Variants in PCDHGB1 observed in about 807,000 individuals in gnomAD.
The protein encoded by PCDHGB1 is protocadherin gamma subfamily B, 1.
Under a neutral mutation model 56.6 loss-of-function variants are expected in PCDHGB1, and 34 were observed. The observed-to-expected ratio is 0.60, with a 90% confidence interval of 0.46 to 0.80. The LOEUF (loss-of-function observed/expected upper bound fraction) is 0.80. PCDHGB1 is among the 30% of genes least tolerant of loss of function. The pLI is 0.00. For synonymous variants in PCDHGB1, 561 were observed against 505.9 expected (o/e 1.11, Z -1.46); for missense variants, 1,278 against 1,204.6 (o/e 1.06, Z -0.90).
intron 1 of PCDHGB1, chr5:141,388,729 G>A (rs1407038729): frequency 6.2e-7 from 1 of 1,614,012 alleles, no homozygotes; most frequent in Non-Finnish European, 8.5e-7. Flanking sequence ...TTCTCTTTCA[G>A]TGAAGCTAGC....
intron 1 of PCDHGB1, chr5:141,400,372 A>G: frequency 6.2e-7 from 1 of 1,613,980 alleles, no homozygotes; most frequent in Non-Finnish European, 8.5e-7. Flanking sequence ...TTATTCCTAC[A>G]ACCTATGTGT....
chr5:141,418,434 C>T, intron 1 of PCDHGB1: 5 of 1,613,944 alleles, frequency 3.1e-6, no homozygotes, highest in Non-Finnish European at 4.2e-6. Context: ...GGCAAATATC[C>T]AGAATTAGTA....
intron 3 of PCDHGB1, among the ~76,000 whole-genome samples, chr5:141,506,132 G>T (rs114930087): frequency 1.2e-4 from 18 of 152,310 alleles, no homozygotes; most frequent in African/African-American, 4.3e-4. Context: ...CAGAGCAGGA[G>T]AAGAAGAATA....
intron 1 of PCDHGB1, chr5:141,366,198 C>A (rs187196267): frequency 1.2e-6 from 2 of 1,613,774 alleles, no homozygotes; most frequent in African/African-American, 2.7e-5. Flanking sequence ...GGGCTGCACA[C>A]GGGCGAGGTG....
intron 1 of PCDHGB1, chr5:141,395,935 A>T (rs950567838): frequency 6.6e-6 from 1 of 152,118 alleles, no homozygotes; most frequent in Non-Finnish European, 1.5e-5. Context: ...TAGAATGTCC[A>T]TTGCTCCCCC....
rs532631149 is a variant in PCDHGB1, at chr5:141,506,489, C to A, written c.2557+1008C>A. On this transcript the variant is annotated intron_variant, in intron 3 of 3. Transcript: ENST00000523390. ...AAGAGCACAGGCTTTAGAGGCAGGC[C>A]AATCTGGATTCAAATCCTGGCACCT... 1.9e-4 allele frequency among the ~76,000 whole-genome samples: 29 copies of A among 150,750 alleles called. 1 individual carries two copies. In the South Asian group the frequency reaches 5.9e-3, roughly 31 times the overall value.
intron 1 of PCDHGB1, among the ~76,000 whole-genome samples, chr5:141,492,862 G>A (rs2099744602): frequency 6.6e-6 from 1 of 152,198 alleles, no homozygotes. Context: ...GAGCGCCCTG[G>A]CTCTCAACCC....
At chr5:141,457,125 C>T (rs1011977795) in intron 1 of PCDHGB1, among the ~76,000 whole-genome samples, 3 of 152,236 alleles carry the variant, frequency 2.0e-5, no homozygotes, top group Admixed American at 6.5e-5. Flanking sequence ...GCAATGGAAA[C>T]TCTGTCCAAT....
At chr5:141,387,533 C>A (rs2090979640) in intron 1 of PCDHGB1, among the ~76,000 whole-genome samples, 1 of 152,192 alleles carries the variant, frequency 6.6e-6, no homozygotes, top group African/African-American at 2.4e-5. Flanking sequence ...GACGTATCCA[C>A]GTAGTTTTTG....
chr5:141,438,386 T>C (rs757664430), intron 1 of PCDHGB1, among the ~76,000 whole-genome samples: 1 of 151,778 alleles, frequency 6.6e-6, no homozygotes, highest in Admixed American at 6.6e-5. Flanking sequence ...AATTTCTTAG[T>C]TCATCATTAA....
chr5:141,465,893 C>A (rs926928579), intron 1 of PCDHGB1, among the ~76,000 whole-genome samples: 1 of 151,962 alleles, frequency 6.6e-6, no homozygotes, highest in Non-Finnish European at 1.5e-5. Context: ...GAGGCCGAGG[C>A]GGGCAAATCA....
chr5:141,365,902 G>T, intron 1 of PCDHGB1: 1 of 1,614,256 alleles, frequency 6.2e-7, no homozygotes, highest in Non-Finnish European at 8.5e-7. Context: ...ACTATGAGCA[G>T]TTGAGAGACC....
At chr5:141,405,002 C>G in intron 1 of PCDHGB1, 2 of 1,613,988 alleles carry the variant, frequency 1.2e-6, no homozygotes, top group Non-Finnish European at 1.7e-6. Context: ...CCCTGCAGAC[C>G]TGGAGGCCTC....
intron 1 of PCDHGB1, chr5:141,355,976 C>G (rs1322217907): frequency 1.2e-6 from 2 of 1,613,916 alleles, no homozygotes; most frequent in Admixed American, 3.3e-5. Flanking sequence ...CCTGTAGGCA[C>G]TCGGCTACTC....
At chr5:141,372,612 C>G in intron 1 of PCDHGB1, 1 of 1,614,004 alleles carries the variant, frequency 6.2e-7, no homozygotes, top group Non-Finnish European at 8.5e-7. Flanking sequence ...ACCTGGAGTT[C>G]TCCCCACCTA....
intron 1 of PCDHGB1, chr5:141,393,441 C>G: frequency 6.2e-7 from 1 of 1,614,070 alleles, no homozygotes; most frequent in African/African-American, 1.3e-5. Flanking sequence ...TGCTCACCAC[C>G]TGGTCCTCAC....
intron 1 of PCDHGB1, among the ~76,000 whole-genome samples, chr5:141,459,759 G>A (rs1164466104): frequency 7.2e-5 from 11 of 152,206 alleles, no homozygotes; most frequent in Non-Finnish European, 2.9e-5. Context: ...TCTAGTGGGT[G>A]TGTGATACTA....
intron 1 of PCDHGB1, chr5:141,371,386 G>GT: frequency 6.2e-7 from 1 of 1,614,006 alleles, no homozygotes; most frequent in Non-Finnish European, 8.5e-7. Context: ...ACTGCATATT[G>GT]TAAAGTACAG....
In PCDHGB1 at chr5:141,477,967, C is replaced by T. The variant is rs756216038; in HGVS notation, c.2410-16840C>T. Reference sequence around the variant, plus strand: ...GTCTCTTGGGATCCCCTAACCAGAGCCTTTTTGCCATAGGGCTGCACACTG... The same window carrying T: ...GTCTCTTGGGATCCCCTAACCAGAGTCTTTTTGCCATAGGGCTGCACACTG... On this transcript the variant is annotated intron_variant, in intron 1 of 3. Coordinates refer to ENST00000523390, the MANE Select transcript of PCDHGB1 (RefSeq NM_018922.3). This position sits in a 1 kb window ranked among gnomAD's most constrained non-coding sequence, Gnocchi z 4.9. The T allele has an allele frequency of 8.7e-6, 14 of 1,614,032 alleles. No individual in the cohort carries two copies. In the South Asian group the frequency reaches 1.2e-4, roughly 14 times the overall value.
Sources: gnomAD v4.1 joint callset for allele counts (sites outside exome capture counted in the v4.1 genomes callset) on GRCh38, gnomAD v4.1.1 for gene constraint, Gnocchi (gnomAD v3.1) non-coding constraint, MANE v1.5 for transcripts, NCBI Gene and HGNC (gene_info 2026-07-23, HGNC 2026-07-21) for gene names.